Variants in MADCAM1 observed in about 807,000 individuals in gnomAD.
MADCAM1 encodes the protein mucosal vascular addressin cell adhesion molecule 1.
A neutral mutation model predicts 26.1 loss-of-function variants in MADCAM1; 19 were observed. The ratio of observed to expected loss-of-function variants is 0.73; its 90% CI spans 0.51 to 1.07. The LOEUF (loss-of-function observed/expected upper bound fraction) is 1.07, where lower values mean the gene tolerates loss of function less well. MADCAM1 is among the 50% of genes least tolerant of loss of function. The pLI is 0.00. For missense variants in MADCAM1, 514 were observed against 542.1 expected, an observed-to-expected ratio of 0.95 and a Z score of 0.51; for synonymous variants, 268 against 260.9, an observed-to-expected ratio of 1.03 and a Z score of -0.26.
chr19:498,363 G>A (rs1243675313), intron 2 of MADCAM1, 133 bp from the exon 3 acceptor site: 7 of 1,035,066 alleles, frequency 6.8e-6, no homozygotes, highest in Non-Finnish European at 7.7e-6. Context: ...CGCACAGGCC[G>A]TCCCTACTGC....
chr19:496,758 A>T (rs1272016834), intron 1 of MADCAM1, among the ~76,000 whole-genome samples: 1 of 3,054 alleles, frequency 3.3e-4, no homozygotes, highest in African/African-American at 2.4e-3. Flanking sequence ...CGCAGGAGAG[A>T]GGAGGGGGCT....
At chr19:503,339 T>C (rs1006804925) in intron 4 of MADCAM1, among the ~76,000 whole-genome samples, 3 of 150,392 alleles carry the variant, frequency 2.0e-5, no homozygotes, top group East Asian at 2.0e-4. Flanking sequence ...CCCTGCACTT[T>C]GGGAGGCCAA....
chr19:498,689 G>A lies in MADCAM1; in HGVS notation c.531G>A (p.Gly177=). 6.9e-7 allele frequency: 1 copy of A among 1,447,592 alleles called. No individual in the cohort carries two copies. The highest frequency in any genetic ancestry group is 9.1e-7 in the Non-Finnish European group (1 of 1,104,156). The allele number at this position is 1,447,592 out of a possible 1,614,324, so 89.7% of individuals were successfully genotyped here. A position where few individuals can be genotyped will look rare whatever the true frequency, so the allele number is the denominator to read the frequency against. Residue 177 remains glycine, a synonymous_variant, in exon 3 of 5, where the codon GGG becomes GGA. Coordinates refer to ENST00000215637, the MANE Select transcript of MADCAM1 (RefSeq NM_130760.3). ...EVQEEEEEPQ[G]DEDVLFRVTE... is the part of the protein sequence containing the mutation. ...AGGAGGAGGAGGAGGAGCCCCAGGG[G>A]GACGAGGACGTGCTGTTCAGGGTGA...
Position 498,508 on chromosome 19 carries a change from A to G in MADCAM1, c.350A>G (p.Gln117Arg), listed in dbSNP as rs1423861352. The G allele has an allele frequency of 6.8e-7, 1 of 1,464,404 alleles. No individual in the cohort carries two copies. Among genetic ancestry groups the G allele is most frequent in the Non-Finnish European group, 9.0e-7 (1 of 1,112,768 alleles). 90.7% of individuals were successfully genotyped at this position (1,464,404 alleles called of 1,614,324 possible). A position where few individuals can be genotyped will look rare whatever the true frequency, so the allele number is the denominator to read the frequency against. The stretch of plus-strand genomic sequence containing the variant: ...CCCTCCATCACAGCCTTCCCGGACC[A>G]GCTGACCGTCTCCCCAGCAGCCCTG... ...VQLLVYAFPD[Q>R]LTVSPAALVP... is the part of the protein sequence containing the mutation. Residue 117 changes from glutamine (Q) to arginine (R), a missense_variant, in exon 3 of 5, where the codon CAG becomes CGG. By Grantham distance (43) the Gln-to-Arg change is conservative. This residue lies in a region of MADCAM1 where 317 missense variants were observed against 313.6 expected (regional missense o/e 1.01). Transcript: ENST00000215637.
chr19:496,554 G>A lies in MADCAM1; in HGVS notation c.52+3G>A. The A allele has an allele frequency of 7.7e-7, 1 of 1,301,974 alleles. No homozygotes were observed. Among genetic ancestry groups the A allele is most frequent in the Non-Finnish European group, 9.8e-7 (1 of 1,019,006 alleles). 80.7% of individuals were successfully genotyped at this position (1,301,974 alleles called of 1,614,324 possible). ...GGGGCTTCTGGGGCTCCTCCTCGGT[G>A]AGAAGGGGAGGGGGCGCGGGAGAGA... On this transcript the variant is annotated splice_donor_region_variant and intron_variant, in intron 1 of 4. Coordinates refer to ENST00000215637, the MANE Select transcript of MADCAM1 (RefSeq NM_130760.3).
Position 505,102 on chromosome 19 carries a change from T to C in MADCAM1, c.*137T>C, listed in dbSNP as rs953324217. On this transcript the variant is annotated 3_prime_UTR_variant, in exon 5 of 5. Transcript: ENST00000215637. ...GAGATGGATGCATGTTCTGATTGCC[T>C]CTTTGGAGAAGCTCATCAGAAACTC... is the stretch of plus-strand genomic sequence containing the variant. The C allele has an allele frequency of 5.2e-5, 32 of 611,822 alleles. No individual in the cohort carries two copies. The highest frequency in any genetic ancestry group is 8.3e-5 in the Non-Finnish European group (31 of 372,384). 37.9% of individuals were successfully genotyped at this position (611,822 alleles called of 1,614,324 possible).
chr19:503,394 A>G (rs942101390), intron 4 of MADCAM1, among the ~76,000 whole-genome samples: 11 of 151,428 alleles, frequency 7.3e-5, no homozygotes, highest in Non-Finnish European at 1.5e-4. Context: ...ATCCTGGCTA[A>G]CACGGTGAAA....
At position 498,571 on chromosome 19, in the gene MADCAM1, A is replaced by G. The variant is rs759203602; in HGVS notation, c.413A>G (p.Lys138Arg). The change falls in exon 3 of 5, where the codon AAA becomes AGA. Residue 138 changes from lysine (K) to arginine (R), a missense_variant. Coordinates refer to ENST00000215637, the MANE Select transcript of MADCAM1 (RefSeq NM_130760.3). ...CCGGAGGTGGCCTGTACGGCCCACA[A>G]AGTCACGCCCGTGGACCCCAACGCG... ...GDPEVACTAH[K>R]VTPVDPNALS... The G allele has an allele frequency of 1.1e-5, 17 of 1,480,274 alleles. No individual in the cohort carries two copies. Among genetic ancestry groups the G allele is most frequent in the Middle Eastern group, 1.8e-4 (1 of 5,524 alleles). The allele number at this position is 1,480,274 out of a possible 1,614,324, so 91.7% of individuals were successfully genotyped here.
intron 3 of MADCAM1, 101 bp from the exon 4 acceptor site, chr19:501,568 G>T: frequency 8.1e-7 from 1 of 1,232,520 alleles, no homozygotes; most frequent in Non-Finnish European, 1.1e-6. Context: ...GGGGCTTGGA[G>T]GGGTTCTGGT....
In MADCAM1 at chr19:505,287, G is replaced by T. The variant is rs542477240; in HGVS notation, c.*322G>T. The T allele has an allele frequency of 1.0e-5, 3 of 289,586 alleles. No individual in the cohort carries two copies. The South Asian group carries it at 3.7e-4, about 36-fold the overall frequency. The allele number at this position is 289,586 out of a possible 1,614,324, so 17.9% of individuals were successfully genotyped here. On this transcript the variant is annotated 3_prime_UTR_variant, in exon 5 of 5. Coordinates refer to ENST00000215637, the MANE Select transcript of MADCAM1 (RefSeq NM_130760.3). ...GACCAAGCTGTGCCCTGACCACCCT[G>T]GGCCCCTGTCGTCAGGACCTCCTGA...
At position 505,093 on chromosome 19, in the gene MADCAM1, C is replaced by A; in HGVS notation, c.*128C>A. On this transcript the variant is annotated 3_prime_UTR_variant, in exon 5 of 5. Coordinates refer to ENST00000215637, the MANE Select transcript of MADCAM1 (RefSeq NM_130760.3). ...CTGTTCACAGAGATGGATGCATGTT[C>A]TGATTGCCTCTTTGGAGAAGCTCAT... The A allele has an allele frequency of 1.5e-6, 1 of 646,370 alleles. No homozygotes were observed. The highest frequency in any genetic ancestry group is 2.5e-6 in the Non-Finnish European group (1 of 398,000). The allele number at this position is 646,370 out of a possible 1,614,324, so 40.0% of individuals were successfully genotyped here.
rs1267047531 is a variant in MADCAM1 at position 498,641 on chromosome 19, G to A, written c.483G>A (p.Ala161=). 4.1e-6 allele frequency: 6 copies of A among 1,462,468 alleles called. No individual in the cohort carries two copies. The highest frequency in any genetic ancestry group is 2.6e-5 in the East Asian group (1 of 38,646). 90.6% of individuals were successfully genotyped at this position (1,462,468 alleles called of 1,614,324 possible). ...TCGGGGGCCAGGAACTGGAGGGGGC[G>A]CAAGCCCTGGGCCCGGAGGTGCAGG... ...LLVGGQELEG[A]QALGPEVQEE... is the part of the protein sequence containing the mutation. The change falls in exon 3 of 5, where the codon GCG becomes GCA. Residue 161 remains alanine (A), a synonymous_variant. Transcript: ENST00000215637.
chr19:503,584 A>AAAG (rs1394754649), intron 4 of MADCAM1, among the ~76,000 whole-genome samples: 3 of 151,528 alleles, frequency 2.0e-5, no homozygotes, highest in Non-Finnish European at 2.9e-5. Flanking sequence ...GTCTCAAAAA[A>AAAG]AAAAAAAAAA....
rs1002548103 is a variant in MADCAM1, at chr19:502,072, C to A, written c.928+143C>A. 7.2e-6 allele frequency: 7 copies of A among 965,814 alleles called. No homozygotes were observed. The African/African-American group carries it at 1.2e-4, about 16-fold the overall frequency. The allele number at this position is 965,814 out of a possible 1,614,324, so 59.8% of individuals were successfully genotyped here. A position where few individuals can be genotyped will look rare whatever the true frequency, so the allele number is the denominator to read the frequency against. ...GCCTCAGTTTCCCCGTCTGCCCAGCCTCGGTTTCCCCATCTGCCCAGCCTC... is the reference window on the plus strand; with the variant it reads ...GCCTCAGTTTCCCCGTCTGCCCAGCATCGGTTTCCCCATCTGCCCAGCCTC... On this transcript the variant is annotated intron_variant, in intron 4 of 4. Transcript: ENST00000215637.
At position 504,829 on chromosome 19, in the gene MADCAM1, C is replaced by T. The variant is rs1568319470; in HGVS notation, c.1013C>T (p.Thr338Ile). The change falls in exon 5 of 5, where the codon ACC (threonine) becomes ATC (isoleucine). Residue 338 changes from threonine to isoleucine, a missense_variant. By Grantham distance (89) the Thr-to-Ile change is moderately conservative. This residue lies in a region of MADCAM1 where 152 missense variants were observed against 136.7 expected (regional missense o/e 1.11). Coordinates refer to ENST00000215637, the MANE Select transcript of MADCAM1 (RefSeq NM_130760.3). ...GGACTGCTGCTCCTGGCCTTGCCCACCTATCACCTCTGGAAACGCTGCCGG... is the reference window on the plus strand; with the variant it reads ...GGACTGCTGCTCCTGGCCTTGCCCATCTATCACCTCTGGAAACGCTGCCGG... ...VLGLLLLALP[T>I]YHLWKRCRHL... The T allele has an allele frequency of 6.2e-6, 10 of 1,613,090 alleles. No homozygotes were observed. Among genetic ancestry groups the T allele is most frequent in the South Asian group, 1.1e-5 (1 of 91,086 alleles).
At chr19:502,287 G>A (rs1273251796) in intron 4 of MADCAM1, among the ~76,000 whole-genome samples, 1 of 152,098 alleles carries the variant, frequency 6.6e-6, no homozygotes, top group African/African-American at 2.4e-5. Context: ...AAACAATGCG[G>A]CCACATAGGT....
intron 1 of MADCAM1, among the ~76,000 whole-genome samples, chr19:496,889 G>C (rs1274657819): frequency 1.5e-4 from 1 of 6,592 alleles, no homozygotes. Flanking sequence ...CAGGAGAGTG[G>C]AGGGGGCGCG....
At chr19:498,379 C>T (rs1978296365) in intron 2 of MADCAM1, 117 bp from the exon 3 acceptor site, 3 of 1,137,092 alleles carry the variant, frequency 2.6e-6, no homozygotes, top group Non-Finnish European at 2.3e-6. Context: ...ACTGCCTGTT[C>T]ATCAGCAGCC....
Position 498,043 on chromosome 19 carries a change from C to T in MADCAM1, c.263C>T (p.Ala88Val), listed in dbSNP as rs1336900251. The change falls in exon 2 of 5, where the codon GCG (alanine) becomes GTG (valine). Residue 88 changes from alanine to valine, a missense_variant. By Grantham distance (64) the Ala-to-Val change is moderately conservative (BLOSUM62 0). Coordinates refer to ENST00000215637, the MANE Select transcript of MADCAM1 (RefSeq NM_130760.3). ...VLTVRNASLSAAGTRVCVGSC... is the reference protein window; with the variant it reads ...VLTVRNASLSVAGTRVCVGSC... Reference sequence around the variant, plus strand: ...ACCGTGCGCAACGCCTCGCTGTCGGCGGCCGGGACCCGCGTGTGCGTGGGC... The same window carrying T: ...ACCGTGCGCAACGCCTCGCTGTCGGTGGCCGGGACCCGCGTGTGCGTGGGC... 3 of 1,486,792 alleles carry T rather than the reference C, an allele frequency of 2.0e-6. No individual in the cohort carries two copies. The highest frequency in any genetic ancestry group is 1.8e-6 in the Non-Finnish European group (2 of 1,124,466). 92.1% of individuals were successfully genotyped at this position (1,486,792 alleles called of 1,614,324 possible).
Sources: allele counts gnomAD v4.1 joint callset (sites outside exome capture counted in the v4.1 genomes callset), GRCh38; gene constraint gnomAD v4.1.1; regional missense constraint gnomAD v4.1.1; transcripts MANE v1.5; gene names NCBI Gene and HGNC (gene_info 2026-07-23, HGNC 2026-07-21).